The following LRGUK variants were observed in gnomAD, a reference collection of about 807,000 sequenced individuals.
The protein encoded by LRGUK is leucine rich repeats and guanylate kinase domain containing.
LRGUK carries 65 observed loss-of-function variants against 76.0 expected under a neutral mutation model. That is an observed-to-expected ratio of 0.85 (90% CI 0.70 to 1.05). The LOEUF (loss-of-function observed/expected upper bound fraction) is 1.05, where lower values mean the gene tolerates loss of function less well. LRGUK is among the 50% of genes least tolerant of loss of function. LRGUK has a pLI of 0.00. For synonymous variants in LRGUK, 268 were observed against 265.6 expected (o/e 1.01, Z -0.09); for missense variants, 758 against 732.8 (o/e 1.03, Z -0.40).
chr7:134,262,855 C>T (rs930133362), intron 19 of LRGUK, among the ~76,000 whole-genome samples: 1 of 151,594 alleles, frequency 6.6e-6, no homozygotes, highest in African/African-American at 2.4e-5. Flanking sequence ...CCTGTAATCC[C>T]AGCTACTTGG....
At chr7:134,253,533 G>C (rs1361304807) in intron 18 of LRGUK, among the ~76,000 whole-genome samples, 1 of 152,206 alleles carries the variant, frequency 6.6e-6, no homozygotes, top group Non-Finnish European at 1.5e-5. Flanking sequence ...TTGATGTCAG[G>C]CCTGGGCGGC....
chr7:134,254,862 G>C (rs2544179), intron 18 of LRGUK, among the ~76,000 whole-genome samples: 11,258 of 152,090 alleles, frequency 0.074, 1,013 homozygotes, highest in African/African-American at 0.21. Flanking sequence ...TAAAGATCAG[G>C]GTTCAGAAAA....
chr7:134,177,153 A>G (rs17167592), intron 9 of LRGUK, 90 bp downstream of exon 9: 97,509 of 717,130 alleles, frequency 0.14, 10,191 homozygotes, highest in East Asian at 0.4. Flanking sequence ...AATATAATCA[A>G]TAAATAAGAC....
chr7:134,159,617 C>T (rs1174091469), intron 6 of LRGUK, among the ~76,000 whole-genome samples: 3 of 152,172 alleles, frequency 2.0e-5, no homozygotes, highest in Middle Eastern at 3.4e-3. Flanking sequence ...GGTGAAACTC[C>T]GTCTCTACTA....
At chr7:134,130,282 C>A (rs1797241015) in intron 1 of LRGUK, among the ~76,000 whole-genome samples, 1 of 151,860 alleles carries the variant, frequency 6.6e-6, no homozygotes, top group Admixed American at 6.5e-5. Flanking sequence ...TGGTTTCCAC[C>A]AGCTTCCCCC....
intron 17 of LRGUK, among the ~76,000 whole-genome samples, chr7:134,248,063 A>G (rs1340929629): frequency 6.6e-6 from 1 of 152,212 alleles, no homozygotes; most frequent in Non-Finnish European, 1.5e-5. Flanking sequence ...GTTTGCTGCC[A>G]TGTCAAAACA....
At chr7:134,250,300 A>G (rs1363441161) in intron 18 of LRGUK, among the ~76,000 whole-genome samples, 1 of 152,194 alleles carries the variant, frequency 6.6e-6, no homozygotes, top group Non-Finnish European at 1.5e-5. Context: ...AATCCCTAAG[A>G]ATTTAATGAA....
intron 16 of LRGUK, among the ~76,000 whole-genome samples, chr7:134,232,063 C>T (rs778889448): frequency 7.2e-5 from 11 of 151,988 alleles, no homozygotes; most frequent in Non-Finnish European, 1.6e-4. Context: ...CTGATCAGAC[C>T]CTGCTGCAGA....
the LRGUK span, among the ~76,000 whole-genome samples, chr7:134,276,258 A>G: frequency 3.5e-3 from 528 of 152,328 alleles, 4 homozygotes; most frequent in African/African-American, 0.012. Context: ...AATTCTCCCC[A>G]TCCCCACCAA....
chr7:134,191,299 GA>G (rs1800233152), intron 11 of LRGUK, among the ~76,000 whole-genome samples: 1 of 152,178 alleles, frequency 6.6e-6, no homozygotes, highest in South Asian at 2.1e-4. Context: ...ACAGCCTGTG[GA>G]AAAGGCTCAT....
chr7:134,229,374 A>AT (rs1489685254), intron 16 of LRGUK, among the ~76,000 whole-genome samples: 4 of 122,538 alleles, frequency 3.3e-5, no homozygotes, highest in African/African-American at 9.6e-5. Context: ...AAAAAAAAAA[A>AT]AATCTATCTA....
At chr7:134,222,871 T>C (rs767267292) in intron 16 of LRGUK, among the ~76,000 whole-genome samples, 15 of 152,134 alleles carry the variant, frequency 9.9e-5, no homozygotes, top group Non-Finnish European at 1.5e-4. Context: ...GTGCTGGGAT[T>C]ACAGGTGTGA....
intron 16 of LRGUK, among the ~76,000 whole-genome samples, chr7:134,224,087 C>T (rs1202742926): frequency 6.6e-6 from 1 of 152,254 alleles, no homozygotes; most frequent in African/African-American, 2.4e-5. Context: ...AGCTTTCTCT[C>T]CTGCCCTTGG....
Position 134,127,377 on chromosome 7 carries a change from T to G in LRGUK, c.10T>G (p.Ser4Ala). 1.1e-5 allele frequency: 17 copies of G among 1,522,012 alleles called. No homozygotes were observed. In the South Asian group the frequency reaches 1.9e-4, roughly 17 times the overall value. 94.3% of individuals were successfully genotyped at this position (1,522,012 alleles called of 1,614,324 possible). A position where few individuals can be genotyped will look rare whatever the true frequency, so the allele number is the denominator to read the frequency against. The change falls in exon 1 of 16, where the codon TCC becomes GCC. Residue 4 changes from serine to alanine, a missense_variant. Transcript: ENST00000645682. ...AACCCCGCTAAACAAGATGGCGACC[T>G]CCGAGAGGGCTCTCCTGAGGACCAG... is the stretch of plus-strand genomic sequence containing the variant.
intron 19 of LRGUK, among the ~76,000 whole-genome samples, chr7:134,263,403 C>CTGTGTGTGTGTG (rs6150361): frequency 3.1e-4 from 44 of 142,270 alleles, no homozygotes; most frequent in African/African-American, 9.7e-4. Flanking sequence ...CTTCACTTCA[C>CTGTGTGTGTGTG]TGTGTGTGTG....
rs146252181 is a variant in LRGUK, at chr7:134,209,707, A to G, written c.2844A>G (p.Lys948=). The change falls in exon 16 of 16, where the codon AAA becomes AAG. Residue 948 remains lysine, a synonymous_variant. Coordinates refer to ENST00000645682, the Ensembl canonical transcript of LRGUK. The stretch of plus-strand genomic sequence containing the variant: ...CAACCCGGGAAGCAGACACCAGTAA[A>G]CTTCCTCCCATCAGCCCTCCGCACT... The G allele has an allele frequency of 1.5e-3, 595 of 399,510 alleles. 4 individuals are homozygous for G. The highest frequency in any genetic ancestry group is 9.6e-3 in the African/African-American group (469 of 48,622). The allele number at this position is 399,510 out of a possible 1,614,324, so 24.7% of individuals were successfully genotyped here. A position where few individuals can be genotyped will look rare whatever the true frequency, so the allele number is the denominator to read the frequency against.
chr7:134,235,866 T>C (rs1188174433), intron 16 of LRGUK, among the ~76,000 whole-genome samples: 1 of 152,158 alleles, frequency 6.6e-6, no homozygotes, highest in East Asian at 1.9e-4. Context: ...TTAAAGGGGT[T>C]AGTTGACATC....
chr7:134,239,452 C>G (rs1022224981), intron 16 of LRGUK, among the ~76,000 whole-genome samples: 7 of 152,220 alleles, frequency 4.6e-5, no homozygotes, highest in African/African-American at 1.7e-4. Flanking sequence ...TCGCTGACTG[C>G]TAGCACAGCA....
At chr7:134,189,042 TC>T (rs1800090317) in intron 11 of LRGUK, among the ~76,000 whole-genome samples, 1 of 152,220 alleles carries the variant, frequency 6.6e-6, no homozygotes, top group African/African-American at 2.4e-5. Flanking sequence ...CTTGATCATC[TC>T]CTTTCTGTGA....
Sources: gnomAD v4.1 joint callset for allele counts (sites outside exome capture counted in the v4.1 genomes callset) on GRCh38, gnomAD v4.1.1 for gene constraint, MANE v1.5 for transcripts, NCBI Gene and HGNC (gene_info 2026-07-23, HGNC 2026-07-21) for gene names.